RANBP2: variants seen among roughly 807,000 people sequenced by gnomAD.
The protein encoded by RANBP2 is RAN binding protein 2.
In RANBP2, 57 loss-of-function variants were observed where a neutral mutation model predicts 303.6. The ratio of observed to expected loss-of-function variants is 0.19; its 90% confidence interval spans 0.15 to 0.23. RANBP2 has a LOEUF of 0.23. RANBP2 is among the 10% of genes least tolerant of loss of function. The probability of loss-of-function intolerance (pLI) is 1.00; values close to 1 mark genes in which losing one functional copy is unlikely to be tolerated. For missense variants in RANBP2, 3,138 were observed against 3,780.8 expected (o/e 0.83, Z 4.46); for synonymous variants, 1,167 against 1,301.5 (o/e 0.90, Z 2.23).
the RANBP2 span, among the ~76,000 whole-genome samples, chr2:109,576,883 AG>A: frequency 6.6e-6 from 1 of 152,346 alleles, no homozygotes; most frequent in African/African-American, 2.4e-5. Context: ...AAGTTTTCAA[AG>A]GAAAAAAACA....
At chr2:109,351,584 T>A in the RANBP2 span, among the ~76,000 whole-genome samples, 1 of 152,262 alleles carries the variant, frequency 6.6e-6, no homozygotes, top group Non-Finnish European at 1.5e-5. Flanking sequence ...GCAGCTGCAT[T>A]TGCTATGCAG....
the RANBP2 span, among the ~76,000 whole-genome samples, chr2:109,225,330 C>A: frequency 0.16 from 24,070 of 152,184 alleles, 3,708 homozygotes; most frequent in African/African-American, 0.39. Context: ...GAGAGACCTG[C>A]AAGTAACCAA....
chr2:109,586,828 C>A, the RANBP2 span, among the ~76,000 whole-genome samples: 5 of 152,176 alleles, frequency 3.3e-5, no homozygotes, highest in Non-Finnish European at 4.4e-5. Flanking sequence ...TCAGAAAGCA[C>A]AGCTGAAGCA....
chr2:108,904,799 G>A, the RANBP2 span, among the ~76,000 whole-genome samples: 1 of 152,200 alleles, frequency 6.6e-6, no homozygotes. Flanking sequence ...CTGGTTTCCA[G>A]GGGCCTAGGT....
the RANBP2 span, among the ~76,000 whole-genome samples, chr2:109,474,782 G>A: frequency 6.6e-6 from 1 of 152,206 alleles, no homozygotes; most frequent in Non-Finnish European, 1.5e-5. Context: ...CACACCCTGG[G>A]ACAGGAAGCA....
At chr2:109,419,048 A>T in the RANBP2 span, among the ~76,000 whole-genome samples, 1 of 151,914 alleles carries the variant, frequency 6.6e-6, no homozygotes, top group Admixed American at 6.6e-5. Flanking sequence ...TCTTGGGGGG[A>T]GGGGGGCACC....
At chr2:109,587,868 G>A in the RANBP2 span, among the ~76,000 whole-genome samples, 2 of 151,304 alleles carry the variant, frequency 1.3e-5, no homozygotes, top group South Asian at 2.1e-4. Context: ...AGCTGAGATC[G>A]CACCACTGCA....
the RANBP2 span, among the ~76,000 whole-genome samples, chr2:109,602,413 C>T: frequency 3.9e-5 from 6 of 152,004 alleles, no homozygotes; most frequent in South Asian, 4.2e-4. Flanking sequence ...CGGTGGCTCA[C>T]GCCTGTAATG....
the RANBP2 span, among the ~76,000 whole-genome samples, chr2:109,629,345 ATATATATATATTTTTTT>A: frequency 1.5e-4 from 1 of 6,628 alleles, no homozygotes; most frequent in African/African-American, 5.3e-4. Flanking sequence ...ATATATATAT[ATATATATATATTTTTTT>A]TTTTTTTTTC....
At chr2:108,836,213 A>G in the RANBP2 span, among the ~76,000 whole-genome samples, 11 of 152,182 alleles carry the variant, frequency 7.2e-5, no homozygotes, top group Admixed American at 5.2e-4. Context: ...TTCTGCTTCA[A>G]TGAATTTGAC....
chr2:109,083,566 C>T, the RANBP2 span, among the ~76,000 whole-genome samples: 2 of 152,138 alleles, frequency 1.3e-5, no homozygotes, highest in South Asian at 2.1e-4. Context: ...GATGCACACT[C>T]GGCTTGCTTC....
the RANBP2 span, among the ~76,000 whole-genome samples, chr2:109,606,309 G>A: frequency 2.2e-4 from 32 of 147,650 alleles, no homozygotes; most frequent in South Asian, 5.2e-3. Flanking sequence ...CAGCTACTCC[G>A]GAGGCTGAGG....
At chr2:109,434,747 T>TC in the RANBP2 span, among the ~76,000 whole-genome samples, 1 of 152,056 alleles carries the variant, frequency 6.6e-6, no homozygotes, top group African/African-American at 2.4e-5. Context: ...GCATTCAGGA[T>TC]CCCCCCTCAC....
the RANBP2 span, among the ~76,000 whole-genome samples, chr2:109,194,767 T>C: frequency 2.0e-5 from 3 of 152,212 alleles, no homozygotes; most frequent in African/African-American, 7.2e-5. Flanking sequence ...ATGCTCAAGC[T>C]CTGCCCAGAA....
the RANBP2 span, among the ~76,000 whole-genome samples, chr2:109,054,371 T>C: frequency 6.6e-6 from 1 of 152,078 alleles, no homozygotes; most frequent in Non-Finnish European, 1.5e-5. Context: ...TTTTTTAAAT[T>C]GGAGTATAAT....
At chr2:109,743,468 G>A in the RANBP2 span, among the ~76,000 whole-genome samples, 4 of 145,738 alleles carry the variant, frequency 2.7e-5, no homozygotes, top group Non-Finnish European at 6.0e-5. Flanking sequence ...AAAATCGACA[G>A]TTGGACTTTG....
the RANBP2 span, among the ~76,000 whole-genome samples, chr2:109,696,895 A>G: frequency 6.6e-6 from 1 of 152,036 alleles, no homozygotes; most frequent in Non-Finnish European, 1.5e-5. Context: ...CTCCTACCTC[A>G]GTCTCCTGAG....
chr2:109,050,440 A>AT, the RANBP2 span, among the ~76,000 whole-genome samples: 5 of 65,480 alleles, frequency 7.6e-5, no homozygotes, highest in Non-Finnish European at 2.7e-4. Flanking sequence ...TTTTGTAGAG[A>AT]TGGGGGGTCT....
At chr2:108,849,135 A>T in the RANBP2 span, among the ~76,000 whole-genome samples, 1 of 152,226 alleles carries the variant, frequency 6.6e-6, no homozygotes, top group African/African-American at 2.4e-5. Context: ...ACGACTAGTG[A>T]ACTGGGATAC....
Sources: gnomAD v4.1 joint callset for allele counts (sites outside exome capture counted in the v4.1 genomes callset) on GRCh38, gnomAD v4.1.1 for gene constraint, MANE v1.5 for transcripts, NCBI Gene and HGNC (gene_info 2026-07-23, HGNC 2026-07-21) for gene names.